The following CNTNAP4 variants were observed in gnomAD, a reference collection of about 807,000 sequenced individuals.
The protein encoded by CNTNAP4 is contactin associated protein family member 4.
In CNTNAP4, 98 loss-of-function variants were observed where a neutral mutation model predicts 148.4. That is an observed-to-expected ratio of 0.66 (90% CI 0.56 to 0.78). CNTNAP4 has a LOEUF of 0.78. Among genes scored for constraint, CNTNAP4 ranks in the 30% least tolerant of loss-of-function variants. CNTNAP4 has a pLI of 0.00. For missense variants in CNTNAP4, 1,935 were observed against 1,565.6 expected, an observed-to-expected ratio of 1.24 and a Z score of -3.98; for synonymous variants, 730 against 565.1, an observed-to-expected ratio of 1.29 and a Z score of -4.14.
intron 15 of CNTNAP4, among the ~76,000 whole-genome samples, chr16:76,499,077 T>A (rs2143875336): frequency 6.6e-6 from 1 of 151,108 alleles, no homozygotes; most frequent in African/African-American, 2.4e-5. Flanking sequence ...TTTTTTTTTT[T>A]TTTTTTTTGA....
intron 2 of CNTNAP4, among the ~76,000 whole-genome samples, chr16:76,334,338 T>G (rs747317527): frequency 3.9e-5 from 6 of 152,066 alleles, no homozygotes; most frequent in Non-Finnish European, 8.8e-5. Flanking sequence ...CCCTTCCCAG[T>G]TTTTGCAGAT....
At chr16:76,493,488 A>AT (rs11458373) in intron 13 of CNTNAP4, among the ~76,000 whole-genome samples, 126,727 of 151,392 alleles carry the variant, frequency 0.84, 53,935 homozygotes, top group East Asian at 0.97. Flanking sequence ...ATTCCTTAGT[A>AT]TTTTTTTTAA....
At chr16:76,307,814 T>C (rs1326494298) in intron 1 of CNTNAP4, among the ~76,000 whole-genome samples, 1 of 152,190 alleles carries the variant, frequency 6.6e-6, no homozygotes, top group Non-Finnish European at 1.5e-5. Flanking sequence ...TGTTCTGTCA[T>C]TAGAAGTTAA....
Position 76,497,788 on chromosome 16 carries a change from C to G in CNTNAP4, c.2238-779C>G, listed in dbSNP as rs191574202. ...AGCAAACTACCATGGCCCGTGTATA[C>G]CTGAGTAACAAACCTGCATGTTCTG... On this transcript the variant is annotated intron_variant, in intron 14 of 23. Transcript: ENST00000611870. 4.5e-4 allele frequency among the ~76,000 whole-genome samples: 68 copies of G among 152,002 alleles called. 1 individual carries two copies. The East Asian group carries it at 0.011, about 24-fold the overall frequency.
At chr16:76,363,513 A>T (rs1362563435) in intron 3 of CNTNAP4, among the ~76,000 whole-genome samples, 1 of 152,162 alleles carries the variant, frequency 6.6e-6, no homozygotes. Flanking sequence ...TAAAGACTTA[A>T]ATGGAAAACC....
chr16:76,461,668 C>G (rs150317427), intron 8 of CNTNAP4, among the ~76,000 whole-genome samples: 122 of 152,174 alleles, frequency 8.0e-4, no homozygotes, highest in African/African-American at 2.6e-3. Flanking sequence ...CCCTTCCTCC[C>G]TAAGAAGGAA....
At chr16:76,393,873 A>C (rs1198680151) in intron 3 of CNTNAP4, among the ~76,000 whole-genome samples, 1 of 152,206 alleles carries the variant, frequency 6.6e-6, no homozygotes, top group African/African-American at 2.4e-5. Flanking sequence ...CTTAAACATT[A>C]GGGGCTTCAA....
intron 3 of CNTNAP4, among the ~76,000 whole-genome samples, chr16:76,391,443 G>A (rs1396929673): frequency 6.6e-6 from 1 of 152,180 alleles, no homozygotes; most frequent in Non-Finnish European, 1.5e-5. Context: ...TCCAAAGCAT[G>A]CTAACATTTA....
At chr16:76,413,868 A>G (rs1346460854) in intron 3 of CNTNAP4, among the ~76,000 whole-genome samples, 1 of 151,304 alleles carries the variant, frequency 6.6e-6, no homozygotes, top group Non-Finnish European at 1.5e-5. Context: ...ATGTCATTCA[A>G]AAATTTCACT....
At chr16:76,463,080 G>A (rs2081043805) in intron 9 of CNTNAP4, among the ~76,000 whole-genome samples, 2 of 152,006 alleles carry the variant, frequency 1.3e-5, no homozygotes, top group African/African-American at 4.8e-5. Context: ...GGCTGCTTAG[G>A]GCCAACAATC....
At chr16:76,302,470 C>A (rs1436481874) in intron 1 of CNTNAP4, among the ~76,000 whole-genome samples, 5 of 152,076 alleles carry the variant, frequency 3.3e-5, no homozygotes, top group Non-Finnish European at 7.4e-5. Flanking sequence ...ACAGGTGACC[C>A]TTTCTATAAC....
In CNTNAP4 at chr16:76,553,289, G is replaced by C; in HGVS notation, c.3449G>C (p.Ser1150Thr). ...SLVLGRILEHSDVDQDTALAG... is the reference protein window; with the variant it reads ...SLVLGRILEHTDVDQDTALAG... ...TGTTTCTTTGAATTTCTAGAACACA[G>C]TGATGTGGACCAGGATACTGCACTG... is the stretch of plus-strand genomic sequence containing the variant. Residue 1150 changes from serine (S) to threonine (T), a missense_variant, in exon 22 of 24, where the codon AGT becomes ACT. Ser to Thr is a moderately conservative substitution (Grantham distance 58). Transcript: ENST00000611870. 6.3e-7 allele frequency: 1 copy of C among 1,590,638 alleles called. No individual in the cohort carries two copies.
rs2015471306 is a variant in CNTNAP4 at position 76,376,907 on chromosome 16, T to TGTG, written c.390+21396_390+21397insGTG. Among the ~76,000 whole-genome samples the TGTG allele has an allele frequency of 8.6e-4, 124 of 143,546 alleles. 1 individual carries two copies. Among genetic ancestry groups the TGTG allele is most frequent in the African/African-American group, 3.1e-3 (119 of 38,876 alleles). The allele number at this position is 143,546 out of a possible 152,430, so 94.2% of individuals were successfully genotyped here. A position where few individuals can be genotyped will look rare whatever the true frequency, so the allele number is the denominator to read the frequency against. Reference sequence around the variant, plus strand: ...TCCAGAGAAACAAAACTAACAAGGTTTGTGTGTGTGTGTGTGTGTGTGTGT... The same window carrying TGTG: ...TCCAGAGAAACAAAACTAACAAGGTTGTGTGTGTGTGTGTGTGTGTGTGTGTGT... On this transcript the variant is annotated intron_variant, in intron 3 of 23. Coordinates refer to ENST00000611870, the MANE Select transcript of CNTNAP4 (RefSeq NM_033401.5).
chr16:76,395,139 C>G (rs1405406112), intron 3 of CNTNAP4, among the ~76,000 whole-genome samples: 1 of 152,180 alleles, frequency 6.6e-6, no homozygotes, highest in African/African-American at 2.4e-5. Flanking sequence ...TTGGGAGGCA[C>G]TGCAGCCAGG....
chr16:76,452,885 G>C (rs1317700691), intron 8 of CNTNAP4, 116 bp downstream of exon 8: 1 of 958,956 alleles, frequency 1.0e-6, no homozygotes, highest in East Asian at 2.8e-5. Context: ...TGAATACTCA[G>C]GTTAATAAGA....
At chr16:76,438,340 G>C (rs914949137) in intron 4 of CNTNAP4, among the ~76,000 whole-genome samples, 1 of 152,124 alleles carries the variant, frequency 6.6e-6, no homozygotes, top group East Asian at 1.9e-4. Flanking sequence ...CAGTATCTAC[G>C]TAGGGCTGGA....
intron 3 of CNTNAP4, among the ~76,000 whole-genome samples, chr16:76,395,734 T>C (rs1249248090): frequency 1.6e-5 from 2 of 126,686 alleles, no homozygotes; most frequent in East Asian, 4.3e-4. Context: ...GATCTCTGGA[T>C]GGTTTTTTTT....
chr16:76,295,242 A>G (rs966135224), intron 1 of CNTNAP4, among the ~76,000 whole-genome samples: 2 of 152,212 alleles, frequency 1.3e-5, no homozygotes, highest in African/African-American at 4.8e-5. Context: ...ACACATGCCC[A>G]TCATAGCGAG....
chr16:76,427,085 AC>A (rs1453020618), intron 3 of CNTNAP4, among the ~76,000 whole-genome samples: 1 of 152,132 alleles, frequency 6.6e-6, no homozygotes, highest in Admixed American at 6.6e-5. Flanking sequence ...TTGTTTTTCA[AC>A]CCTTGGAGAA....
Sources: gnomAD v4.1 joint callset for allele counts (sites outside exome capture counted in the v4.1 genomes callset) on GRCh38, gnomAD v4.1.1 for gene constraint, MANE v1.5 for transcripts, NCBI Gene and HGNC (gene_info 2026-07-23, HGNC 2026-07-21) for gene names.